Variants in GFRA1 observed in about 807,000 individuals in gnomAD.
GFRA1 encodes GDNF family receptor alpha-1.
GFRA1 carries 16 observed loss-of-function variants against 51.6 expected under a neutral mutation model. That is an observed-to-expected ratio of 0.31 (90% CI 0.21 to 0.47). The LOEUF (loss-of-function observed/expected upper bound fraction) is 0.47, where lower values mean the gene tolerates loss of function less well. Among genes scored for constraint, GFRA1 ranks in the 20% least tolerant of loss-of-function variants. The pLI is 1.00. For synonymous variants in GFRA1, 270 were observed against 241.3 expected (o/e 1.12, Z -1.10); for missense variants, 530 against 594.3 (o/e 0.89, Z 1.13).
At chr10:116,222,260 G>A (rs1252223902) in intron 4 of GFRA1, among the ~76,000 whole-genome samples, 4 of 152,064 alleles carry the variant, frequency 2.6e-5, no homozygotes, top group Admixed American at 2.0e-4. Flanking sequence ...GTGCAGCAGC[G>A]TGATCTCGGC....
intron 8 of GFRA1, among the ~76,000 whole-genome samples, chr10:116,091,706 T>C (rs943777298): frequency 3.9e-5 from 6 of 152,240 alleles, no homozygotes; most frequent in Non-Finnish European, 7.3e-5. Context: ...ATTAAGTTTC[T>C]ACATTTGGGC....
Position 116,272,044 on chromosome 10 carries a change from G to C in GFRA1, c.-15C>G. ...GCCAGGAACATGGTGCCGGCGCGGG[G>C]CTGGTCCCCGCCCCCCCAAAAAAAT... On this transcript the variant is annotated 5_prime_UTR_variant, in exon 2 of 11. Coordinates refer to ENST00000355422, the MANE Select transcript of GFRA1 (RefSeq NM_005264.8). The surrounding 1 kb of genome is among the most constrained non-coding windows in gnomAD (Gnocchi z 4.4). 5.2e-6 allele frequency: 8 copies of C among 1,550,992 alleles called. No homozygotes were observed. The highest frequency in any genetic ancestry group is 7.0e-6 in the Non-Finnish European group (8 of 1,147,626).
At chr10:116,082,214 A>G (rs1474803451) in intron 9 of GFRA1, among the ~76,000 whole-genome samples, 1 of 152,172 alleles carries the variant, frequency 6.6e-6, no homozygotes, top group African/African-American at 2.4e-5. Context: ...AGATCTGACC[A>G]GAGTGGCAGC....
intron 5 of GFRA1, among the ~76,000 whole-genome samples, chr10:116,210,686 T>C (rs1965125076): frequency 6.6e-6 from 1 of 152,200 alleles, no homozygotes; most frequent in African/African-American, 2.4e-5. Flanking sequence ...GCTGCCTGTT[T>C]GGGGTGAAAT....
intron 5 of GFRA1, among the ~76,000 whole-genome samples, chr10:116,197,813 C>A (rs1266113905): frequency 5.9e-5 from 9 of 152,130 alleles, no homozygotes; most frequent in Admixed American, 5.9e-4. Context: ...GATGTGACTG[C>A]CTAATGAAGA....
intron 9 of GFRA1, among the ~76,000 whole-genome samples, chr10:116,068,189 A>T (rs1955204056): frequency 6.6e-6 from 1 of 152,098 alleles, no homozygotes; most frequent in Non-Finnish European, 1.5e-5. Flanking sequence ...GGCACTCAGC[A>T]CTCCAGAGGC....
chr10:116,137,837 T>C (rs1958396893), intron 5 of GFRA1, among the ~76,000 whole-genome samples: 1 of 152,182 alleles, frequency 6.6e-6, no homozygotes, highest in African/African-American at 2.4e-5. Flanking sequence ...AGTCTCGCTC[T>C]GTTGCCCAGG....
upstream of GFRA1, among the ~76,000 whole-genome samples, chr10:116,273,665 CTCTCTG>C (rs565661432): frequency 0.14 from 7,812 of 57,068 alleles, 613 homozygotes; most frequent in African/African-American, 0.3. Flanking sequence ...CTCTCTCTCT[CTCTCTG>C]TCTCTCTCTC....
intron 5 of GFRA1, among the ~76,000 whole-genome samples, chr10:116,147,813 C>T (rs1005978787): frequency 2.0e-5 from 3 of 152,064 alleles, no homozygotes; most frequent in Non-Finnish European, 2.9e-5. Flanking sequence ...ATAGACCCTC[C>T]GCTATTCTCA....
At chr10:116,179,189 T>C (rs190787130) in intron 5 of GFRA1, among the ~76,000 whole-genome samples, 4 of 152,166 alleles carry the variant, frequency 2.6e-5, no homozygotes, top group Non-Finnish European at 4.4e-5. Flanking sequence ...ATTTCATACA[T>C]TAAACCTGCT....
intron 5 of GFRA1, among the ~76,000 whole-genome samples, chr10:116,131,625 C>CA (rs911251039): frequency 6.6e-6 from 1 of 151,532 alleles, no homozygotes; most frequent in Admixed American, 6.6e-5. Context: ...GGATGAATCT[C>CA]AAAAAAATAA....
At chr10:116,223,862 A>G (rs1299503767) in intron 4 of GFRA1, among the ~76,000 whole-genome samples, 1 of 152,214 alleles carries the variant, frequency 6.6e-6, no homozygotes, top group East Asian at 1.9e-4. Flanking sequence ...TTTAGGTGGC[A>G]GGCTTGCCAG....
intron 5 of GFRA1, among the ~76,000 whole-genome samples, chr10:116,141,934 G>C (rs569048040): frequency 3.0e-4 from 45 of 152,212 alleles, no homozygotes; most frequent in African/African-American, 1.1e-3. Context: ...TGCCAGGCTG[G>C]TAAATAAGTT....
At chr10:116,160,649 G>A (rs1189668361) in intron 5 of GFRA1, among the ~76,000 whole-genome samples, 1 of 152,160 alleles carries the variant, frequency 6.6e-6, no homozygotes, top group Non-Finnish European at 1.5e-5. Flanking sequence ...TTATCTGCAA[G>A]AATAACTGTC....
intron 6 of GFRA1, among the ~76,000 whole-genome samples, chr10:116,114,149 C>A (rs1393184422): frequency 6.6e-6 from 1 of 152,182 alleles, no homozygotes; most frequent in Non-Finnish European, 1.5e-5. Context: ...ATCACTGACT[C>A]AGACATAAGC....
intron 4 of GFRA1, among the ~76,000 whole-genome samples, chr10:116,225,598 T>A (rs1436967032): frequency 1.6e-5 from 1 of 64,334 alleles, no homozygotes; most frequent in African/African-American, 3.1e-5. Context: ...TGAAACTAAT[T>A]TTTTTTTTTG....
chr10:116,255,972 A>G (rs1968814500), intron 4 of GFRA1, among the ~76,000 whole-genome samples: 1 of 152,096 alleles, frequency 6.6e-6, no homozygotes, highest in Non-Finnish European at 1.5e-5. Context: ...GTTTCATGCT[A>G]ATATATTGAG....
chr10:116,205,834 AG>A (rs1964705191), intron 5 of GFRA1, among the ~76,000 whole-genome samples: 1 of 151,420 alleles, frequency 6.6e-6, no homozygotes, highest in African/African-American at 2.4e-5. Flanking sequence ...GTCACCTGGC[AG>A]GGAAGAGGCA....
chr10:116,105,102 G>A (rs898390241), intron 6 of GFRA1, among the ~76,000 whole-genome samples: 1 of 152,194 alleles, frequency 6.6e-6, no homozygotes, highest in Admixed American at 6.5e-5. Flanking sequence ...GGTAGTACTT[G>A]TTTTTAAGGG....
Sources: allele counts gnomAD v4.1 joint callset (sites outside exome capture counted in the v4.1 genomes callset), GRCh38; gene constraint gnomAD v4.1.1; non-coding constraint Gnocchi (gnomAD v3.1); transcripts MANE v1.5; gene names NCBI Gene and HGNC (gene_info 2026-07-23, HGNC 2026-07-21).